KNDC1: variants seen among roughly 807,000 people sequenced by gnomAD.
The protein encoded by KNDC1 is kinase non-catalytic C-lobe domain containing 1.
A neutral mutation model predicts 172.8 loss-of-function variants in KNDC1; 106 were observed. The observed-to-expected ratio is 0.61, with a 90% CI of 0.52 to 0.72. The LOEUF (loss-of-function observed/expected upper bound fraction) is 0.72, where lower values mean the gene tolerates loss of function less well. Ranked by LOEUF, KNDC1 falls within the 30% of genes least tolerant of loss-of-function variation. KNDC1 has a pLI of 0.00. For missense variants in KNDC1, 2,325 were observed against 2,394.5 expected, an observed-to-expected ratio of 0.97 and a Z score of 0.61; for synonymous variants, 1,083 against 1,062.2, an observed-to-expected ratio of 1.02 and a Z score of -0.38.
intron 20 of KNDC1, 149 bp downstream of exon 20, chr10:133,207,500 C>A: frequency 1.3e-6 from 1 of 762,022 alleles, no homozygotes; most frequent in Non-Finnish European, 2.1e-6. Flanking sequence ...CCAATGTGCA[C>A]TAGGTGCCAC....
chr10:133,213,975 C>T lies in KNDC1; in HGVS notation c.4530C>T (p.Ala1510=). The part of the protein sequence containing the change: ...VMDKSTAIPK[A]SSSESLSAKT... ...AGGGACCATATTTCTCTTCCAGAGC[C>T]AGCTCTTCTGAGTCTCTTTCGGCCA... The change falls in exon 26 of 30, where the codon GCC becomes GCT. Residue 1510 remains alanine (A), a synonymous_variant. Coordinates refer to ENST00000304613, the MANE Select transcript of KNDC1 (RefSeq NM_152643.8). The T allele has an allele frequency of 6.2e-7, 1 of 1,614,178 alleles. No homozygotes were observed. The highest frequency in any genetic ancestry group is 8.5e-7 in the Non-Finnish European group (1 of 1,179,986).
chr10:133,167,628 G>A, intron 2 of KNDC1, 49 bp downstream of exon 2: 4 of 1,527,760 alleles, frequency 2.6e-6, no homozygotes, highest in Non-Finnish European at 1.8e-6. Flanking sequence ...CGGGGTGGAG[G>A]TGCCTTTCAG....
chr10:133,210,687 C>T lies in KNDC1; in HGVS notation c.3871C>T (p.His1291Tyr), dbSNP rs1468799555. ...CTTCTGCACACCCCACGACTTCCTG[C>T]ACTTCCTCCTCGACCGCATCAACAG... is the stretch of plus-strand genomic sequence containing the variant. ...RYFCTPHDFL[H>Y]FLLDRINSTL... Residue 1291 changes from histidine (H) to tyrosine (Y), a missense_variant, in exon 21 of 30, where the codon CAC becomes TAC. Coordinates refer to ENST00000304613, the MANE Select transcript of KNDC1 (RefSeq NM_152643.8). The T allele has an allele frequency of 1.4e-5, 22 of 1,613,936 alleles. No individual in the cohort carries two copies. Among genetic ancestry groups the T allele is most frequent in the Non-Finnish European group, 1.8e-5 (21 of 1,179,902 alleles).
rs151290179 is a variant in KNDC1, at chr10:133,201,591, G to T, written c.3080G>T (p.Arg1027Leu). 2 of 1,613,086 alleles carry T rather than the reference G, an allele frequency of 1.2e-6. No individual in the cohort carries two copies. The highest frequency in any genetic ancestry group is 2.7e-5 in the African/African-American group (2 of 75,054). The change falls in exon 17 of 30, where the codon CGG (arginine) becomes CTG (leucine). Residue 1027 changes from arginine to leucine, a missense_variant. Arg to Leu is a moderately radical substitution (Grantham distance 102). Coordinates refer to ENST00000304613, the MANE Select transcript of KNDC1 (RefSeq NM_152643.8). ...VSDVDSDALS[R>L]GNFEVGFRPQ... ...GATGTGGACTCGGACGCACTGTCAC[G>T]GGGAAACTTCGAGGTGGGGTTTCGG... is the stretch of plus-strand genomic sequence containing the variant.
chr10:133,204,708 A>G (rs1854474990), intron 17 of KNDC1, among the ~76,000 whole-genome samples: 1 of 152,204 alleles, frequency 6.6e-6, no homozygotes, highest in Non-Finnish European at 1.5e-5. Context: ...CCCTGTCAAT[A>G]GCAGAGTCAC....
At chr10:133,200,764 C>T (rs972067619) in intron 16 of KNDC1, among the ~76,000 whole-genome samples, 3 of 152,180 alleles carry the variant, frequency 2.0e-5, no homozygotes, top group Non-Finnish European at 4.4e-5. Context: ...CCTCTGTCAC[C>T]GGCCACTGGG....
chr10:133,208,193 G>GGCCCCCAGAGAGGGATGGTGGCC lies in KNDC1; in HGVS notation c.3794+843_3794+865dup, dbSNP rs1193275607. 2.3e-4 allele frequency among the ~76,000 whole-genome samples: 35 copies of GGCCCCCAGAGAGGGATGGTGGCC among 152,212 alleles called. No homozygotes were observed. In the East Asian group the frequency reaches 6.4e-3, roughly 28 times the overall value. ...TCTCAGCAGCCAGTGGGGACAGGCA[G>GGCCCCCAGAGAGGGATGGTGGCC]GCCCCCAGAGAGGGATGGTGGCCAC... On this transcript the variant is annotated intron_variant, in intron 20 of 29. Coordinates refer to ENST00000304613, the MANE Select transcript of KNDC1 (RefSeq NM_152643.8).
rs1854256971 is a variant in KNDC1, at chr10:133,198,422, C to G, written c.1992C>G (p.Thr664=). 6.2e-7 allele frequency: 1 copy of G among 1,602,398 alleles called. No individual in the cohort carries two copies. Among genetic ancestry groups the G allele is most frequent in the Non-Finnish European group, 8.5e-7 (1 of 1,175,218 alleles). The change falls in exon 13 of 30, where the codon ACC becomes ACG. Residue 664 remains threonine, a synonymous_variant. Coordinates refer to ENST00000304613, the MANE Select transcript of KNDC1 (RefSeq NM_152643.8). ...PGQHPCGEEA[T]QLPAAFTSEA... ...AGCACCCCTGCGGTGAAGAAGCCACCCAGCTGCCTGCAGCGTTCACCTCCG... is the reference window on the plus strand; with the variant it reads ...AGCACCCCTGCGGTGAAGAAGCCACGCAGCTGCCTGCAGCGTTCACCTCCG...
chr10:133,198,369 G>A lies in KNDC1; in HGVS notation c.1939G>A (p.Val647Met), dbSNP rs1292674848. 2 of 1,596,002 alleles carry A rather than the reference G, an allele frequency of 1.3e-6. No individual in the cohort carries two copies. Among genetic ancestry groups the A allele is most frequent in the Non-Finnish European group, 8.5e-7 (1 of 1,172,632 alleles). Residue 647 changes from valine (V) to methionine (M), a missense_variant, in exon 13 of 30, where the codon GTG becomes ATG. Physicochemically the swap from Val to Met is conservative, Grantham distance 21. Transcript: ENST00000304613. The stretch of plus-strand genomic sequence containing the variant: ...GCCGGTGAACAGCGACACCGGGCTT[G>A]TGGCTGTGCCAGGGCCCGTGCCCGG... Reference protein sequence around the residue: ...FLPVNSDTGLVAVPGPVPGQH... With the variant: ...FLPVNSDTGLMAVPGPVPGQH...
At chr10:133,212,365 G>T (rs143477905) in intron 23 of KNDC1, among the ~76,000 whole-genome samples, 28 of 152,364 alleles carry the variant, frequency 1.8e-4, no homozygotes, top group Non-Finnish European at 2.2e-4. Flanking sequence ...CAGCCCTGCT[G>T]CGCTGGCACC....
chr10:133,183,201 G>A (rs1328190016), intron 3 of KNDC1, 143 bp from the exon 4 acceptor site: 2 of 1,030,930 alleles, frequency 1.9e-6, no homozygotes, highest in South Asian at 1.7e-5. Context: ...AAGGGTGTGG[G>A]CAGCGTGGGC....
At chr10:133,168,463 T>C in intron 3 of KNDC1, 151 bp downstream of exon 3, 1 of 788,356 alleles carries the variant, frequency 1.3e-6, no homozygotes, top group Admixed American at 2.1e-5. Context: ...CACTGGGCTA[T>C]AGGGACGGCC....
At position 133,163,358 on chromosome 10, in the gene KNDC1, G is replaced by A. The variant is rs564420334; in HGVS notation, c.102+2789G>A. Among the ~76,000 whole-genome samples, 3 of 152,178 alleles carry A rather than the reference G, an allele frequency of 2.0e-5. No homozygotes were observed. The highest frequency in any genetic ancestry group is 4.4e-5 in the Non-Finnish European group (3 of 68,026). On this transcript the variant is annotated intron_variant, in intron 1 of 29. Coordinates refer to ENST00000304613, the MANE Select transcript of KNDC1 (RefSeq NM_152643.8). The surrounding 1 kb of genome is among the most constrained non-coding windows in gnomAD (Gnocchi z 4.4). ...TGTCAGGCTGGGCTCAGAATCTGAG[G>A]CTGGACAGGATGCAGTTGCTCCCTG... is the stretch of plus-strand genomic sequence containing the variant.
chr10:133,195,652 C>T lies in KNDC1; in HGVS notation c.1576-11C>T. ...CCTGCGGTAGACACTATTCTCTCCC[C>T]ACCCGCCCAGGCCTCTGTGTACTGT... is the stretch of plus-strand genomic sequence containing the variant. On this transcript the variant is annotated splice_polypyrimidine_tract_variant and intron_variant, in intron 9 of 29. Transcript: ENST00000304613. 6.4e-7 allele frequency: 1 copy of T among 1,556,738 alleles called. No individual in the cohort carries two copies. Among genetic ancestry groups the T allele is most frequent in the Non-Finnish European group, 8.7e-7 (1 of 1,150,386 alleles).
intron 17 of KNDC1, among the ~76,000 whole-genome samples, chr10:133,204,235 C>T (rs770585564): frequency 1.1e-4 from 16 of 152,208 alleles, no homozygotes; most frequent in Non-Finnish European, 1.8e-4. Flanking sequence ...CCTGCCCAGC[C>T]CGGTAGGTCC....
Position 133,195,732 on chromosome 10 carries a change from C to T in KNDC1, c.1645C>T (p.Leu549=). 1.9e-6 allele frequency: 3 copies of T among 1,612,358 alleles called. No individual in the cohort carries two copies. The highest frequency in any genetic ancestry group is 1.7e-6 in the Non-Finnish European group (2 of 1,179,612). ...GTTCAGCGTCCCCCGCAACCACAAG[C>T]TGGCCCTGCCACGCAGGCTCAAGAC... The part of the protein sequence containing the change: ...AKFSVPRNHK[L]ALPRRLKTLL... The change falls in exon 10 of 30, where the codon CTG becomes TTG. Residue 549 remains leucine, a synonymous_variant. Coordinates refer to ENST00000304613, the MANE Select transcript of KNDC1 (RefSeq NM_152643.8).
At chr10:133,191,476 G>A (rs901620385) in intron 9 of KNDC1, among the ~76,000 whole-genome samples, 3 of 152,112 alleles carry the variant, frequency 2.0e-5, no homozygotes, top group Non-Finnish European at 2.9e-5. Flanking sequence ...AAGGCAGGTC[G>A]ATCACCTGAC....
At position 133,214,042 on chromosome 10, in the gene KNDC1, T is replaced by C. The variant is rs1409957394; in HGVS notation, c.4597T>C (p.Tyr1533His). ...TCTGCCCAATTACGTTCAGGACAAG[T>C]ATCTGTTACAGCTTCTAAGAAACGC... ...LFLPNYVQDK[Y>H]LLQLLRNADD... Residue 1533 changes from tyrosine (Y) to histidine (H), a missense_variant, in exon 26 of 30, where the codon TAT becomes CAT. By Grantham distance (83) the Tyr-to-His change is moderately conservative. Transcript: ENST00000304613. The C allele has an allele frequency of 1.9e-6, 3 of 1,614,098 alleles. No individual in the cohort carries two copies. Among genetic ancestry groups the C allele is most frequent in the Non-Finnish European group, 2.5e-6 (3 of 1,180,016 alleles).
At chr10:133,202,981 C>G (rs560996751) in intron 17 of KNDC1, among the ~76,000 whole-genome samples, 4 of 152,214 alleles carry the variant, frequency 2.6e-5, no homozygotes, top group Non-Finnish European at 5.9e-5. Context: ...GCAGGGAGCA[C>G]TCAGCCCCCA....
Sources: gnomAD v4.1 joint callset for allele counts (sites outside exome capture counted in the v4.1 genomes callset) on GRCh38, gnomAD v4.1.1 for gene constraint, Gnocchi (gnomAD v3.1) non-coding constraint, MANE v1.5 for transcripts, NCBI Gene and HGNC (gene_info 2026-07-23, HGNC 2026-07-21) for gene names.